The following MINPP1 variants were observed in gnomAD, a reference collection of about 807,000 sequenced individuals.
The protein encoded by MINPP1 is multiple inositol-polyphosphate phosphatase 1.
In MINPP1, 28 loss-of-function variants were observed where a neutral mutation model predicts 46.1. The ratio of observed to expected loss-of-function variants is 0.61; its 90% CI spans 0.45 to 0.83. MINPP1 has a LOEUF of 0.83. Among genes scored for constraint, MINPP1 ranks in the 40% least tolerant of loss-of-function variants. The pLI, the probability that MINPP1 is intolerant of heterozygous loss-of-function variation, is 0.00. For synonymous variants in MINPP1, 268 were observed against 249.1 expected (o/e 1.08, Z -0.72); for missense variants, 603 against 610.0 (o/e 0.99, Z 0.12).
At chr10:87,535,138 G>A (rs1461373544) in intron 4 of MINPP1, among the ~76,000 whole-genome samples, 4 of 152,250 alleles carry the variant, frequency 2.6e-5, no homozygotes, top group Non-Finnish European at 5.9e-5. Flanking sequence ...CTGTGTGGAT[G>A]TAAGATGTAA....
At chr10:87,540,585 A>G (rs1331844347) in intron 4 of MINPP1, among the ~76,000 whole-genome samples, 2 of 151,916 alleles carry the variant, frequency 1.3e-5, no homozygotes, top group Non-Finnish European at 2.9e-5. Context: ...TGTTGCCAGT[A>G]TTTTGGGCTT....
At chr10:87,531,969 A>G (rs79786479) in intron 4 of MINPP1, among the ~76,000 whole-genome samples, 6,016 of 152,282 alleles carry the variant, frequency 0.04, 579 homozygotes, top group East Asian at 0.31. Flanking sequence ...TGTGATAATC[A>G]AGTGAGATAA....
rs944359362 is a variant in MINPP1, at chr10:87,542,500, A to G, written c.1068-9582A>G. ...TTTTTAGTAGAGACCGGATTCCGCC[A>G]TGTTGGCCAGGTTGGTCTTAACCTC... On this transcript the variant is annotated intron_variant, in intron 4 of 4. Coordinates refer to ENST00000371996, the MANE Select transcript of MINPP1 (RefSeq NM_004897.5). Among the ~76,000 whole-genome samples, 5 of 152,244 alleles carry G rather than the reference A, an allele frequency of 3.3e-5. No individual in the cohort carries two copies. In the East Asian group the frequency reaches 7.7e-4, roughly 24 times the overall value.
Position 87,552,029 on chromosome 10 carries a change from T to C in MINPP1, c.1068-53T>C, listed in dbSNP as rs1457414533. The C allele has an allele frequency of 3.6e-6, 5 of 1,374,650 alleles. No individual in the cohort carries two copies. In the East Asian group the frequency reaches 9.4e-5, roughly 26 times the overall value. 85.2% of individuals were successfully genotyped at this position (1,374,650 alleles called of 1,614,324 possible). On this transcript the variant is annotated intron_variant, in intron 4 of 4. Coordinates refer to ENST00000371996, the MANE Select transcript of MINPP1 (RefSeq NM_004897.5). Reference sequence around the variant, plus strand: ...AAGTTACTCCTAAGTGTAAATACTATGTTCTATGACATTAATATATATACC... The same window carrying C: ...AAGTTACTCCTAAGTGTAAATACTACGTTCTATGACATTAATATATATACC...
At chr10:87,538,553 A>G (rs1206575779) in intron 4 of MINPP1, among the ~76,000 whole-genome samples, 1 of 152,194 alleles carries the variant, frequency 6.6e-6, no homozygotes, top group Non-Finnish European at 1.5e-5. Context: ...TTTTTGCTTG[A>G]GGAAGAAAAA....
chr10:87,526,790 TATTAA>T (rs1245382387), intron 4 of MINPP1, among the ~76,000 whole-genome samples: 4 of 152,252 alleles, frequency 2.6e-5, no homozygotes, highest in Non-Finnish European at 5.9e-5. Context: ...CAGCACCATT[TATTAA>T]ATAGGGAATC....
intron 4 of MINPP1, among the ~76,000 whole-genome samples, chr10:87,529,585 A>C (rs1164523252): frequency 6.6e-6 from 1 of 152,216 alleles, no homozygotes; most frequent in Admixed American, 6.5e-5. Flanking sequence ...TGTTAGTCTG[A>C]TGGGCTTCCC....
rs1589380804 is a variant in MINPP1, at chr10:87,533,881, A to G, written c.1067+12712A>G. Among the ~76,000 whole-genome samples, 6 of 152,192 alleles carry G rather than the reference A, an allele frequency of 3.9e-5. No individual in the cohort carries two copies. In the South Asian group the frequency reaches 1.2e-3, roughly 32 times the overall value. On this transcript the variant is annotated intron_variant, in intron 4 of 4. Coordinates refer to ENST00000371996, the MANE Select transcript of MINPP1 (RefSeq NM_004897.5). Reference sequence around the variant, plus strand: ...GTTATTTGGTCAATTAGCCCATTGTAACAGGGGAAACTTGCTGCTTTAAAG... The same window carrying G: ...GTTATTTGGTCAATTAGCCCATTGTGACAGGGGAAACTTGCTGCTTTAAAG...
chr10:87,521,631 T>C (rs1045260699), intron 4 of MINPP1, among the ~76,000 whole-genome samples: 7 of 152,224 alleles, frequency 4.6e-5, no homozygotes, highest in Admixed American at 3.9e-4. Flanking sequence ...ATATTCAACA[T>C]ATTATTGCAT....
chr10:87,544,675 C>A (rs1037822116), intron 4 of MINPP1, among the ~76,000 whole-genome samples: 1 of 152,076 alleles, frequency 6.6e-6, no homozygotes, highest in Non-Finnish European at 1.5e-5. Context: ...TTCACAATAT[C>A]ATTGGAACCT....
Position 87,553,253 on chromosome 10 carries a change from G to A in MINPP1, c.*775G>A, listed in dbSNP as rs1851989521. 6.6e-6 allele frequency: 1 copy of A among 151,906 alleles called. No homozygotes were observed. Among genetic ancestry groups the A allele is most frequent in the South Asian group, 2.1e-4 (1 of 4,814 alleles). 9.4% of individuals were successfully genotyped at this position (151,906 alleles called of 1,614,324 possible). ...CTTTTTCATTCTGTCACTTGGCTTC[G>A]ATTTTTATATTTTCCTATTATATGA... On this transcript the variant is annotated 3_prime_UTR_variant, in exon 5 of 5. Transcript: ENST00000371996.
chr10:87,551,060 A>G (rs960035404), intron 4 of MINPP1, among the ~76,000 whole-genome samples: 1 of 152,038 alleles, frequency 6.6e-6, no homozygotes, highest in African/African-American at 2.4e-5. Context: ...TTCAACAGAT[A>G]CTGATAATAT....
At chr10:87,506,856 A>T (rs61854926) in intron 1 of MINPP1, among the ~76,000 whole-genome samples, 2 of 152,142 alleles carry the variant, frequency 1.3e-5, no homozygotes, top group African/African-American at 2.4e-5. Flanking sequence ...ATTCTGTGTC[A>T]TGTTATTGTG....
Position 87,505,330 on chromosome 10 carries a change from G to A in MINPP1, c.415G>A (p.Ala139Thr). The change falls in exon 1 of 5, where the codon GCG becomes ACG. Residue 139 changes from alanine (A) to threonine (T), a missense_variant. Physicochemically the swap from Ala to Thr is moderately conservative, Grantham distance 58. Transcript: ENST00000371996. The surrounding 1 kb of genome is among the most constrained non-coding windows in gnomAD (Gnocchi z 4.4). ...AALADWPLWYADWMDGQLVEK... is the reference protein window; with the variant it reads ...AALADWPLWYTDWMDGQLVEK... ...GCTGGCCGACTGGCCTTTGTGGTAC[G>A]CGGACTGGATGGACGGGCAGCTAGT... 1 of 1,613,568 alleles carries A rather than the reference G, an allele frequency of 6.2e-7. No homozygotes were observed. The highest frequency in any genetic ancestry group is 8.5e-7 in the Non-Finnish European group (1 of 1,179,606).
chr10:87,506,892 C>T (rs1254296450), intron 1 of MINPP1, among the ~76,000 whole-genome samples: 1 of 152,142 alleles, frequency 6.6e-6, no homozygotes, highest in East Asian at 1.9e-4. Context: ...TGACTTGTGT[C>T]TAATTACTTG....
At chr10:87,529,453 C>T (rs1383196510) in intron 4 of MINPP1, among the ~76,000 whole-genome samples, 10 of 152,112 alleles carry the variant, frequency 6.6e-5, no homozygotes, top group Non-Finnish European at 1.5e-4. Flanking sequence ...GATTTTATTT[C>T]TCCTTCACTT....
chr10:87,546,087 G>T (rs889556503), intron 4 of MINPP1, among the ~76,000 whole-genome samples: 3 of 152,198 alleles, frequency 2.0e-5, no homozygotes, highest in African/African-American at 4.8e-5. Flanking sequence ...AAGGGAGGCT[G>T]CCACATAGGC....
intron 4 of MINPP1, among the ~76,000 whole-genome samples, chr10:87,535,946 A>T (rs751779965): frequency 4.4e-4 from 67 of 152,126 alleles, no homozygotes; most frequent in African/African-American, 1.3e-3. Context: ...ATAAATAAAT[A>T]AATTAAGATT....
At position 87,552,831 on chromosome 10, in the gene MINPP1, G is replaced by A. The variant is rs1268152941; in HGVS notation, c.*353G>A. On this transcript the variant is annotated 3_prime_UTR_variant, in exon 5 of 5. Transcript: ENST00000371996. Reference sequence around the variant, plus strand: ...CTGGAGTAACAAAATATCTCAGTTGGACCATCCTTAACTTGATTGAACTGT... The same window carrying A: ...CTGGAGTAACAAAATATCTCAGTTGAACCATCCTTAACTTGATTGAACTGT... The A allele has an allele frequency of 6.7e-6, 2 of 297,354 alleles. No homozygotes were observed. Among genetic ancestry groups the A allele is most frequent in the East Asian group, 1.7e-4 (2 of 11,452 alleles). The allele number at this position is 297,354 out of a possible 1,614,324, so 18.4% of individuals were successfully genotyped here.
Sources: gnomAD v4.1 joint callset for allele counts (sites outside exome capture counted in the v4.1 genomes callset) on GRCh38, gnomAD v4.1.1 for gene constraint, Gnocchi (gnomAD v3.1) non-coding constraint, MANE v1.5 for transcripts, NCBI Gene and HGNC (gene_info 2026-07-23, HGNC 2026-07-21) for gene names.